The following ST3GAL3 variants were observed in gnomAD, a reference collection of about 807,000 sequenced individuals.
ST3GAL3 encodes CMP-N-acetylneuraminate-beta-1,4-galactoside alpha-2,3-sialyltransferase.
ST3GAL3 carries 21 observed loss-of-function variants against 50.1 expected under a neutral mutation model. The observed-to-expected ratio is 0.42, with a 90% CI of 0.30 to 0.60. ST3GAL3 has a LOEUF of 0.60. ST3GAL3 is among the 20% of genes least tolerant of loss of function. The pLI is 0.19. For missense variants in ST3GAL3, 353 were observed against 489.4 expected, an observed-to-expected ratio of 0.72 and a Z score of 2.63; for synonymous variants, 183 against 190.0, an observed-to-expected ratio of 0.96 and a Z score of 0.30.
chr1:43,858,084 T>C (rs576904678), intron 5 of ST3GAL3: 2 of 1,272,612 alleles, frequency 1.6e-6, no homozygotes, highest in Non-Finnish European at 2.1e-6. Context: ...AGGGCTGGGT[T>C]GCTCAACCTT....
chr1:43,929,581 G>C (rs558921580), intron 11 of ST3GAL3, among the ~76,000 whole-genome samples: 5 of 152,240 alleles, frequency 3.3e-5, no homozygotes, highest in African/African-American at 9.6e-5. Flanking sequence ...GATTACAGGC[G>C]TGAGCCACCG....
At chr1:43,917,462 ATATAATATATAATAT>A (rs1172302672) in intron 9 of ST3GAL3, among the ~76,000 whole-genome samples, 6 of 91,944 alleles carry the variant, frequency 6.5e-5, no homozygotes, top group Non-Finnish European at 1.0e-4. Context: ...TATATAATAT[ATATAATATATAATAT>A]ATATAATATA....
At chr1:43,919,724 A>C (rs2082704956) in intron 9 of ST3GAL3, 1 of 153,570 alleles carries the variant, frequency 6.5e-6, no homozygotes, top group Non-Finnish European at 1.4e-5. Context: ...AAAGGAGGGG[A>C]AGCTGTGCCC....
chr1:43,884,845 C>T (rs1336879771), intron 5 of ST3GAL3, among the ~76,000 whole-genome samples: 1 of 152,188 alleles, frequency 6.6e-6, no homozygotes, highest in East Asian at 1.9e-4. Context: ...TTACCCTAAT[C>T]CAGCAAACCC....
At chr1:43,905,321 C>G in intron 9 of ST3GAL3, among the ~76,000 whole-genome samples, 1 of 139,246 alleles carries the variant, frequency 7.2e-6, no homozygotes, top group African/African-American at 2.8e-5. Context: ...TTTCCTCCCC[C>G]TCCTCCTGTT....
rs976221325 is a variant in ST3GAL3 at position 43,899,219 on chromosome 1, C to T, written c.513C>T (p.Asn171=). The change falls in exon 8 of 12, where the codon AAC becomes AAT. Residue 171 remains asparagine (N), a synonymous_variant. Coordinates refer to ENST00000347631, the MANE Select transcript of ST3GAL3 (RefSeq NM_006279.5). The surrounding 1 kb of genome is among the most constrained non-coding windows in gnomAD (Gnocchi z 5.4). ...TGGGCAATGGAGGCGTTCTTGCCAA[C>T]AAGTCTCTGGGGTCACGAATTGACG... ...IIVGNGGVLA[N]KSLGSRIDDY... is the part of the protein sequence containing the mutation. The T allele has an allele frequency of 8.7e-6, 14 of 1,614,226 alleles. No homozygotes were observed. Among genetic ancestry groups the T allele is most frequent in the African/African-American group, 1.3e-5 (1 of 75,058 alleles).
chr1:43,709,469 G>C (rs1307066732), intron 1 of ST3GAL3: 1 of 151,634 alleles, frequency 6.6e-6, no homozygotes, highest in Non-Finnish European at 1.5e-5. Flanking sequence ...CTGCAGCCTT[G>C]ACTTTCTGGA....
At chr1:43,713,909 C>T (rs1400327980) in intron 1 of ST3GAL3, among the ~76,000 whole-genome samples, 1 of 152,068 alleles carries the variant, frequency 6.6e-6, no homozygotes, top group Non-Finnish European at 1.5e-5. Context: ...ATGGATGATG[C>T]TAGGCTGGGA....
At position 43,735,776 on chromosome 1, in the gene ST3GAL3, C is replaced by T. The variant is rs372760874; in HGVS notation, c.-30-457C>T. ...ACTTTGCCACAGCAGCAGTAGAGAA[C>T]GAATGCAAAGGGGTTTAAGCAGGGA... On this transcript the variant is annotated intron_variant, in intron 1 of 11. Transcript: ENST00000347631. Among the ~76,000 whole-genome samples the T allele has an allele frequency of 9.9e-5, 15 of 152,224 alleles. No homozygotes were observed. In the East Asian group the frequency reaches 2.1e-3, roughly 22 times the overall value.
At position 43,807,449 on chromosome 1, in the gene ST3GAL3, T is replaced by TAAATAAATAAATAAATAAAG. The variant is rs2060034252; in HGVS notation, c.167-7439_167-7438insTAAATAAATAAATAAAGAAA. Among the ~76,000 whole-genome samples, 6 of 151,494 alleles carry TAAATAAATAAATAAATAAAG rather than the reference T, an allele frequency of 4.0e-5. No individual in the cohort carries two copies. In the South Asian group the frequency reaches 1.0e-3, roughly 26 times the overall value. On this transcript the variant is annotated intron_variant, in intron 3 of 11. Coordinates refer to ENST00000347631, the MANE Select transcript of ST3GAL3 (RefSeq NM_006279.5). ...ATAAATAAATAAATAAATAAATAAA[T>TAAATAAATAAATAAATAAAG]AAAGTAGGAATGATATCTATAGGCC...
intron 4 of ST3GAL3, among the ~76,000 whole-genome samples, chr1:43,822,560 A>G (rs1247336580): frequency 6.6e-6 from 1 of 152,230 alleles, no homozygotes; most frequent in African/African-American, 2.4e-5. Context: ...GTAATAGTGT[A>G]TAAACATGGA....
At chr1:43,760,091 G>T (rs1026751457) in intron 2 of ST3GAL3, among the ~76,000 whole-genome samples, 1 of 152,174 alleles carries the variant, frequency 6.6e-6, no homozygotes, top group Admixed American at 6.5e-5. Flanking sequence ...TCTTTTGGGG[G>T]TACCATTTTT....
intron 1 of ST3GAL3, chr1:43,718,937 C>T (rs924599866): frequency 2.0e-5 from 3 of 152,232 alleles, no homozygotes; most frequent in African/African-American, 7.2e-5. Flanking sequence ...ATCTGCCTGC[C>T]TTGGCCTCCC....
chr1:43,861,420 T>G (rs1186281724), intron 5 of ST3GAL3, among the ~76,000 whole-genome samples: 1 of 130,654 alleles, frequency 7.7e-6, no homozygotes. Context: ...TCCAGTAATA[T>G]GTCTTGGTGT....
intron 3 of ST3GAL3, among the ~76,000 whole-genome samples, chr1:43,800,137 G>A (rs571336202): frequency 6.6e-6 from 1 of 152,132 alleles, no homozygotes; most frequent in African/African-American, 2.4e-5. Flanking sequence ...ATAGTCACAG[G>A]GGACTCTGTT....
At chr1:43,862,028 TAAAAAA>T (rs78700565) in intron 5 of ST3GAL3, among the ~76,000 whole-genome samples, 1 of 130,970 alleles carries the variant, frequency 7.6e-6, no homozygotes, top group African/African-American at 2.8e-5. Context: ...AAATCTGTCT[TAAAAAA>T]AAAAAAAAAA....
At chr1:43,817,378 CTCCTT>C (rs1429275093) in intron 4 of ST3GAL3, among the ~76,000 whole-genome samples, 5 of 85,654 alleles carry the variant, frequency 5.8e-5, no homozygotes, top group Non-Finnish European at 1.3e-4. Context: ...TCTCCTTCTT[CTCCTT>C]CTTCTTCTCC....
intron 2 of ST3GAL3, among the ~76,000 whole-genome samples, chr1:43,755,385 CTT>C (rs1207256058): frequency 3.3e-5 from 5 of 152,192 alleles, no homozygotes; most frequent in African/African-American, 9.7e-5. Flanking sequence ...ACTATTGTAA[CTT>C]ATATCCTTTA....
At chr1:43,759,561 G>A (rs2154119478) in intron 2 of ST3GAL3, among the ~76,000 whole-genome samples, 1 of 152,352 alleles carries the variant, frequency 6.6e-6, no homozygotes, top group Non-Finnish European at 1.5e-5. Context: ...ATAAGACTTA[G>A]TCTCTCTGAG....
Sources: gnomAD v4.1 joint callset for allele counts (sites outside exome capture counted in the v4.1 genomes callset) on GRCh38, gnomAD v4.1.1 for gene constraint, Gnocchi (gnomAD v3.1) non-coding constraint, MANE v1.5 for transcripts, NCBI Gene and HGNC (gene_info 2026-07-23, HGNC 2026-07-21) for gene names.